Variants in UBE2H observed in about 807,000 individuals in gnomAD.
UBE2H encodes the protein ubiquitin-conjugating enzyme E2 H.
UBE2H carries 3 observed loss-of-function variants against 29.0 expected under a neutral mutation model. The ratio of observed to expected loss-of-function variants is 0.10; its 90% CI spans 0.05 to 0.27. The LOEUF is 0.27. Among genes scored for constraint, UBE2H ranks in the 10% least tolerant of loss-of-function variants. The pLI, the probability that UBE2H is intolerant of heterozygous loss-of-function variation, is 1.00. For synonymous variants in UBE2H, 69 were observed against 82.9 expected, an observed-to-expected ratio of 0.83 and a Z score of 0.91; for missense variants, 68 against 228.2, an observed-to-expected ratio of 0.30 and a Z score of 4.52.
At chr7:129,936,149 A>G (rs988626258) in intron 1 of UBE2H, among the ~76,000 whole-genome samples, 3 of 152,214 alleles carry the variant, frequency 2.0e-5, no homozygotes, top group Admixed American at 1.3e-4. Flanking sequence ...CTTCATCAGA[A>G]CTGACAAAAC....
chr7:129,844,774 T>A (rs915237580), intron 5 of UBE2H, among the ~76,000 whole-genome samples: 2 of 152,334 alleles, frequency 1.3e-5, no homozygotes, highest in Non-Finnish European at 2.9e-5. Flanking sequence ...GATCTTACAT[T>A]AATGTTAAAA....
chr7:129,844,082 T>G (rs1352469799), intron 5 of UBE2H, among the ~76,000 whole-genome samples: 2 of 152,200 alleles, frequency 1.3e-5, no homozygotes, highest in African/African-American at 4.8e-5. Context: ...AAAGAACCCT[T>G]AATTATTGGT....
intron 3 of UBE2H, among the ~76,000 whole-genome samples, chr7:129,859,909 A>G (rs1020225778): frequency 6.6e-6 from 1 of 152,094 alleles, no homozygotes; most frequent in Non-Finnish European, 1.5e-5. Context: ...TTCATTCAGA[A>G]CATATTTGGT....
chr7:129,947,590 A>G (rs1248895182), intron 1 of UBE2H, among the ~76,000 whole-genome samples: 1 of 152,152 alleles, frequency 6.6e-6, no homozygotes, highest in Non-Finnish European at 1.5e-5. Flanking sequence ...TAGTTTTGAA[A>G]TTTTTTTAAA....
chr7:129,932,790 AAAAAAAAG>A (rs1807436355), intron 1 of UBE2H, among the ~76,000 whole-genome samples: 1 of 143,770 alleles, frequency 7.0e-6, no homozygotes, highest in Non-Finnish European at 1.5e-5. Flanking sequence ...AAAAAAAAAA[AAAAAAAAG>A]TCCTGTCAGA....
chr7:129,868,192 C>T (rs1011587023), intron 3 of UBE2H, among the ~76,000 whole-genome samples: 2 of 152,142 alleles, frequency 1.3e-5, no homozygotes, highest in African/African-American at 4.8e-5. Context: ...TCACCCAATA[C>T]AGAGTAGGAA....
intron 3 of UBE2H, among the ~76,000 whole-genome samples, chr7:129,874,536 C>T (rs1435544629): frequency 6.6e-6 from 1 of 152,156 alleles, no homozygotes; most frequent in Non-Finnish European, 1.5e-5. Flanking sequence ...GTCTCAATCT[C>T]CTGAGGTCAT....
At chr7:129,910,185 C>T (rs1277909166) in intron 1 of UBE2H, among the ~76,000 whole-genome samples, 5 of 151,860 alleles carry the variant, frequency 3.3e-5, no homozygotes, top group Non-Finnish European at 5.9e-5. Flanking sequence ...AAAAATTAGC[C>T]GAGTGTGGTG....
At chr7:129,878,173 G>A (rs918596583) in intron 3 of UBE2H, among the ~76,000 whole-genome samples, 2 of 152,152 alleles carry the variant, frequency 1.3e-5, no homozygotes, top group African/African-American at 2.4e-5. Flanking sequence ...GTGTACAGGC[G>A]TATACGTTTC....
At chr7:129,852,813 C>T (rs1192373952) in intron 5 of UBE2H, among the ~76,000 whole-genome samples, 1 of 152,004 alleles carries the variant, frequency 6.6e-6, no homozygotes, top group Non-Finnish European at 1.5e-5. Context: ...GCAACCTCCG[C>T]CTCCCGGGTT....
intron 1 of UBE2H, among the ~76,000 whole-genome samples, chr7:129,930,643 T>TCA (rs980403599): frequency 2.0e-5 from 3 of 151,778 alleles, no homozygotes; most frequent in Admixed American, 6.6e-5. Context: ...GCACAGTGGC[T>TCA]CACACCTGTA....
chr7:129,842,493 T>G (rs553863839), intron 5 of UBE2H, among the ~76,000 whole-genome samples: 3 of 152,208 alleles, frequency 2.0e-5, no homozygotes, highest in South Asian at 4.1e-4. Context: ...TTTTGGCATA[T>G]GTTTGAAATA....
intron 1 of UBE2H, among the ~76,000 whole-genome samples, chr7:129,892,318 C>G (rs946990081): frequency 6.6e-6 from 1 of 151,604 alleles, no homozygotes; most frequent in Non-Finnish European, 1.5e-5. Flanking sequence ...GTAGCACAAT[C>G]TTGGCTCACT....
At chr7:129,879,141 C>CAG (rs1193257689) in intron 3 of UBE2H, among the ~76,000 whole-genome samples, 1 of 152,070 alleles carries the variant, frequency 6.6e-6, no homozygotes, top group Non-Finnish European at 1.5e-5. Context: ...GTAAGGTACC[C>CAG]AGAGTTGGAG....
chr7:129,868,294 A>G (rs890328827), intron 3 of UBE2H, among the ~76,000 whole-genome samples: 8 of 152,246 alleles, frequency 5.3e-5, no homozygotes, highest in Non-Finnish European at 8.8e-5. Flanking sequence ...TAAAACTGGC[A>G]TAAGTCAACT....
intron 3 of UBE2H, chr7:129,865,160 CT>C: frequency 2.9e-6 from 1 of 350,726 alleles, no homozygotes; most frequent in African/African-American, 2.1e-5. Context: ...ATATGCCTTG[CT>C]TTTGCTTGTT....
intron 1 of UBE2H, among the ~76,000 whole-genome samples, chr7:129,950,554 C>G (rs532497959): frequency 1.1e-3 from 163 of 152,190 alleles, no homozygotes; most frequent in African/African-American, 3.5e-3. Context: ...TTAGGCCCCC[C>G]TCTTTATCCT....
Position 129,857,500 on chromosome 7 carries a change from G to A in UBE2H, c.298+11C>T. On this transcript the variant is annotated intron_variant, in intron 5 of 6. Coordinates refer to ENST00000355621, the MANE Select transcript of UBE2H (RefSeq NM_003344.4). ...CAACATCTCCAAAAAATATTCCATGGCCAAACTCACCATAGAGAGCTGTCC... is the reference window on the plus strand; with the variant it reads ...CAACATCTCCAAAAAATATTCCATGACCAAACTCACCATAGAGAGCTGTCC... 6.2e-7 allele frequency: 1 copy of A among 1,603,752 alleles called. No homozygotes were observed. Among genetic ancestry groups the A allele is most frequent in the Non-Finnish European group, 8.5e-7 (1 of 1,175,872 alleles).
rs1563015499 is a variant in UBE2H, at chr7:129,832,485, TGTGC to T, written c.*2448_*2451del. The stretch of plus-strand genomic sequence containing the variant: ...ACACTCTCGCTCACACTCTCACACA[TGTGC>T]ACACATACACACACTCTCTCTCTCT... On this transcript the variant is annotated 3_prime_UTR_variant, in exon 7 of 7. Coordinates refer to ENST00000355621, the MANE Select transcript of UBE2H (RefSeq NM_003344.4). 3.6e-5 allele frequency: 2 copies of T among 55,068 alleles called. No homozygotes were observed. The highest frequency in any genetic ancestry group is 1.5e-4 in the African/African-American group (2 of 13,628). The allele number at this position is 55,068 out of a possible 1,614,324, so 3.4% of individuals were successfully genotyped here. A position where few individuals can be genotyped will look rare whatever the true frequency, so the allele number is the denominator to read the frequency against.
Sources: allele counts gnomAD v4.1 joint callset (sites outside exome capture counted in the v4.1 genomes callset), GRCh38; gene constraint gnomAD v4.1.1; transcripts MANE v1.5; gene names NCBI Gene and HGNC (gene_info 2026-07-23, HGNC 2026-07-21).